MINDY4: variants seen among roughly 807,000 people sequenced by gnomAD.
MINDY4 encodes the protein MINDY lysine 48 deubiquitinase 4, also known as probable ubiquitin carboxyl-terminal hydrolase MINDY-4.
Under a neutral mutation model 87.0 loss-of-function variants are expected in MINDY4, and 68 were observed. The ratio of observed to expected loss-of-function variants is 0.78; its 90% CI spans 0.64 to 0.96. The LOEUF (loss-of-function observed/expected upper bound fraction) is 0.96, where lower values mean the gene tolerates loss of function less well. Ranked by LOEUF, MINDY4 falls within the 40% of genes least tolerant of loss-of-function variation. MINDY4 has a pLI of 0.00. For missense variants in MINDY4, 919 were observed against 928.2 expected (o/e 0.99, Z 0.13); for synonymous variants, 379 against 363.2 (o/e 1.04, Z -0.50).
intron 9 of MINDY4, among the ~76,000 whole-genome samples, chr7:30,844,805 A>G (rs923394133): frequency 1.3e-5 from 2 of 152,164 alleles, no homozygotes; most frequent in Admixed American, 6.5e-5. Flanking sequence ...GACCTGGATT[A>G]TGGTTGTGTG....
intron 1 of MINDY4, among the ~76,000 whole-genome samples, chr7:30,776,861 G>C (rs1786833761): frequency 6.6e-6 from 1 of 152,182 alleles, no homozygotes; most frequent in Admixed American, 6.5e-5. Context: ...CTGGCACATA[G>C]GAGGTGCATG....
intron 13 of MINDY4, among the ~76,000 whole-genome samples, chr7:30,869,576 C>G (rs1790041615): frequency 6.6e-6 from 1 of 152,148 alleles, no homozygotes; most frequent in Non-Finnish European, 1.5e-5. Flanking sequence ...ACTGAGTCCT[C>G]ACTTCATCTT....
At chr7:30,867,101 A>G (rs1413770386) in intron 13 of MINDY4, among the ~76,000 whole-genome samples, 1 of 152,164 alleles carries the variant, frequency 6.6e-6, no homozygotes, top group Non-Finnish European at 1.5e-5. Context: ...GACACACTGG[A>G]GGCTCAGAAA....
intron 4 of MINDY4, among the ~76,000 whole-genome samples, chr7:30,790,862 T>C (rs1408368475): frequency 6.6e-6 from 1 of 152,122 alleles, no homozygotes; most frequent in Non-Finnish European, 1.5e-5. Context: ...TGGTAGGTGG[T>C]GATGCAGACT....
chr7:30,838,531 A>G (rs537532434), intron 7 of MINDY4, among the ~76,000 whole-genome samples: 9 of 152,228 alleles, frequency 5.9e-5, no homozygotes, highest in East Asian at 1.9e-4. Flanking sequence ...CACCTATTCA[A>G]CTTTGCCATC....
chr7:30,813,557 C>T (rs1187243328), intron 5 of MINDY4, among the ~76,000 whole-genome samples: 1 of 152,182 alleles, frequency 6.6e-6, no homozygotes, highest in Non-Finnish European at 1.5e-5. Flanking sequence ...GGCCGTAACC[C>T]CAGAGTGGGG....
chr7:30,889,790 G>A (rs147046190), intron 17 of MINDY4, among the ~76,000 whole-genome samples: 2 of 152,284 alleles, frequency 1.3e-5, no homozygotes, highest in African/African-American at 4.8e-5. Context: ...GGGGAGGTGG[G>A]GTTGTGGATG....
At chr7:30,859,088 C>T (rs1281518934) in intron 12 of MINDY4, 169 bp from the exon 13 acceptor site, 5 of 722,134 alleles carry the variant, frequency 6.9e-6, no homozygotes, top group Non-Finnish European at 1.3e-5. Flanking sequence ...GTTGCAATGT[C>T]CCATCCTTTA....
intron 1 of MINDY4, 24 bp from the exon 2 acceptor site, chr7:30,778,408 A>G (rs779370119): frequency 1.2e-6 from 2 of 1,614,166 alleles, no homozygotes; most frequent in South Asian, 1.1e-5. Flanking sequence ...GATGGTAAAC[A>G]GCGATTCAGC....
Position 30,882,950 on chromosome 7 carries a change from G to A in MINDY4, c.2182G>A (p.Asp728Asn). 1 of 1,614,078 alleles carries A rather than the reference G, an allele frequency of 6.2e-7. No homozygotes were observed. Among genetic ancestry groups the A allele is most frequent in the Non-Finnish European group, 8.5e-7 (1 of 1,179,984 alleles). ...CACCCAAACCATCTCTGAGGACACA[G>A]ACAACGACCTTGTCCCACCCCTCGA... Reference protein sequence around the residue: ...DTTQTISEDTDNDLVPPLELC... With the variant: ...DTTQTISEDTNNDLVPPLELC... Residue 728 changes from aspartate to asparagine, a missense_variant, in exon 17 of 18, where the codon GAC becomes AAC. Coordinates refer to ENST00000265299, the MANE Select transcript of MINDY4 (RefSeq NM_032222.3).
intron 2 of MINDY4, chr7:30,779,879 C>T (rs1786955186): frequency 6.6e-6 from 1 of 152,242 alleles, no homozygotes; most frequent in African/African-American, 2.4e-5. Flanking sequence ...AGAAGATCCA[C>T]TGAACCACTT....
chr7:30,774,366 A>G (rs1454936547), intron 1 of MINDY4, among the ~76,000 whole-genome samples: 2 of 152,144 alleles, frequency 1.3e-5, no homozygotes, highest in African/African-American at 4.8e-5. Context: ...CCATGTGTGC[A>G]TGCCCTCTCT....
intron 17 of MINDY4, among the ~76,000 whole-genome samples, chr7:30,886,487 G>A (rs892175653): frequency 6.6e-6 from 1 of 152,196 alleles, no homozygotes; most frequent in Non-Finnish European, 1.5e-5. Flanking sequence ...AGGCCTTTGG[G>A]CACCCCCTGT....
chr7:30,864,346 G>A (rs1229018178), intron 13 of MINDY4, among the ~76,000 whole-genome samples: 1 of 152,226 alleles, frequency 6.6e-6, no homozygotes, highest in Non-Finnish European at 1.5e-5. Flanking sequence ...TGAAACAAAA[G>A]CCAACTGTGA....
chr7:30,823,590 T>C (rs1426161663), intron 5 of MINDY4, among the ~76,000 whole-genome samples: 1 of 152,216 alleles, frequency 6.6e-6, no homozygotes, highest in Non-Finnish European at 1.5e-5. Flanking sequence ...TCTTCAAAAC[T>C]GCCCATTCTT....
chr7:30,890,212 T>G (rs986260876), intron 17 of MINDY4, among the ~76,000 whole-genome samples: 2 of 152,238 alleles, frequency 1.3e-5, no homozygotes, highest in Non-Finnish European at 1.5e-5. Flanking sequence ...TGCCGAGTGT[T>G]TTAACAAGAA....
chr7:30,859,396 C>T (rs879663642), intron 13 of MINDY4, 72 bp downstream of exon 13: 19 of 1,405,780 alleles, frequency 1.4e-5, no homozygotes, highest in Non-Finnish European at 1.8e-5. Flanking sequence ...TCGCTAGAGC[C>T]CAGGATGGTG....
chr7:30,840,714 G>A, intron 8 of MINDY4, 46 bp from the exon 9 acceptor site: 1 of 1,586,664 alleles, frequency 6.3e-7, no homozygotes, highest in African/African-American at 1.3e-5. Context: ...CAAAAACTCT[G>A]CCCCAGGCCA....
chr7:30,842,854 T>G (rs1584303207), intron 9 of MINDY4, among the ~76,000 whole-genome samples: 1 of 152,354 alleles, frequency 6.6e-6, no homozygotes, highest in Non-Finnish European at 1.5e-5. Context: ...AACACCTTCC[T>G]GAGCCCTCAG....
Sources: allele counts gnomAD v4.1 joint callset (sites outside exome capture counted in the v4.1 genomes callset), GRCh38; gene constraint gnomAD v4.1.1; transcripts MANE v1.5; gene names NCBI Gene and HGNC (gene_info 2026-07-23, HGNC 2026-07-21).